Variants in NPEPPS observed in about 807,000 individuals in gnomAD.
NPEPPS encodes the protein aminopeptidase puromycin sensitive.
A neutral mutation model predicts 115.5 loss-of-function variants in NPEPPS; 14 were observed. The observed-to-expected ratio is 0.12, with a 90% confidence interval of 0.08 to 0.19. NPEPPS has a LOEUF of 0.19. Ranked by LOEUF, NPEPPS falls within the 10% of genes least tolerant of loss-of-function variation. NPEPPS has a pLI of 1.00. For synonymous variants in NPEPPS, 285 were observed against 390.6 expected, an observed-to-expected ratio of 0.73 and a Z score of 3.19; for missense variants, 523 against 1,110.8, an observed-to-expected ratio of 0.47 and a Z score of 7.52.
intron 1 of NPEPPS, among the ~76,000 whole-genome samples, chr17:47,540,345 C>T (rs1908658670): frequency 6.6e-6 from 1 of 152,010 alleles, no homozygotes; most frequent in Admixed American, 6.6e-5. Flanking sequence ...GTGTTTTAAA[C>T]TGGGAAACTG....
intron 10 of NPEPPS, 51 bp from the exon 11 acceptor site, chr17:47,591,905 A>G: frequency 1.5e-6 from 1 of 670,792 alleles, no homozygotes; most frequent in South Asian, 1.8e-5. Context: ...GTAATTCAGT[A>G]TTACAGGCTA....
chr17:47,572,193 T>C (rs1015350734), intron 3 of NPEPPS, among the ~76,000 whole-genome samples: 13 of 152,066 alleles, frequency 8.5e-5, no homozygotes, highest in Non-Finnish European at 1.8e-4. Flanking sequence ...GGCAGGAGGA[T>C]TGCTTGAGCC....
At chr17:47,530,021 C>T (rs1188622896), upstream of NPEPPS, among the ~76,000 whole-genome samples, 1 of 147,316 alleles carries the variant, frequency 6.8e-6, no homozygotes. Context: ...ACTGCAACCT[C>T]CACCTCCAGG....
intron 22 of NPEPPS, among the ~76,000 whole-genome samples, chr17:47,620,816 C>T (rs144191305): frequency 6.6e-6 from 1 of 152,156 alleles, no homozygotes; most frequent in African/African-American, 2.4e-5. Flanking sequence ...TCTGTGAAAC[C>T]AGGTGTACTG....
At chr17:47,619,560 A>G (rs1914414621) in intron 21 of NPEPPS, 177 bp from the exon 22 acceptor site, 1 of 616,006 alleles carries the variant, frequency 1.6e-6, no homozygotes. Context: ...GTCTCAAAAA[A>G]AAAAAAGTTT....
chr17:47,605,056 G>A (rs902375683), intron 16 of NPEPPS, among the ~76,000 whole-genome samples: 7 of 152,166 alleles, frequency 4.6e-5, no homozygotes, highest in African/African-American at 1.7e-4. Context: ...TTCTCAAATT[G>A]TTGGGACTCT....
chr17:47,549,519 C>G (rs570158598), intron 2 of NPEPPS, among the ~76,000 whole-genome samples: 1 of 152,136 alleles, frequency 6.6e-6, no homozygotes, highest in Non-Finnish European at 1.5e-5. Flanking sequence ...GTGGCTCACA[C>G]CTGTAATCCC....
chr17:47,601,273 G>A (rs948122517), intron 14 of NPEPPS, among the ~76,000 whole-genome samples: 1 of 151,712 alleles, frequency 6.6e-6, no homozygotes, highest in East Asian at 1.9e-4. Context: ...TATATTTTTT[G>A]TTGTTGTTGT....
At chr17:47,601,089 T>G (rs895231735) in intron 14 of NPEPPS, among the ~76,000 whole-genome samples, 35 of 151,746 alleles carry the variant, frequency 2.3e-4, no homozygotes, top group Admixed American at 5.3e-4. Flanking sequence ...ATTGTATATT[T>G]TTGGGCATGG....
At chr17:47,600,701 G>A (rs1913141455) in intron 14 of NPEPPS, among the ~76,000 whole-genome samples, 1 of 152,134 alleles carries the variant, frequency 6.6e-6, no homozygotes, top group Admixed American at 6.6e-5. Context: ...TACTGGGCAA[G>A]GACTCTTTTT....
chr17:47,538,569 G>A (rs1167731505), intron 1 of NPEPPS, among the ~76,000 whole-genome samples: 9 of 129,448 alleles, frequency 7.0e-5, no homozygotes, highest in East Asian at 2.2e-4. Flanking sequence ...TTGCTCTGTC[G>A]CCAAGGCCGG....
At chr17:47,611,837 G>T (rs1355718000) in intron 17 of NPEPPS, among the ~76,000 whole-genome samples, 2 of 152,112 alleles carry the variant, frequency 1.3e-5, no homozygotes, top group Non-Finnish European at 2.9e-5. Context: ...TCACCATATT[G>T]TGTTCCCACC....
At chr17:47,554,770 A>T (rs1413660734) in intron 2 of NPEPPS, among the ~76,000 whole-genome samples, 1 of 152,212 alleles carries the variant, frequency 6.6e-6, no homozygotes, top group African/African-American at 2.4e-5. Context: ...AATAAAGGTT[A>T]CTTAAACACA....
chr17:47,558,540 CT>C (rs1334268425), intron 2 of NPEPPS, among the ~76,000 whole-genome samples: 1 of 152,130 alleles, frequency 6.6e-6, no homozygotes, highest in East Asian at 1.9e-4. Context: ...AGCGATTCTC[CT>C]GTTTCAGCCT....
chr17:47,532,075 G>C (rs1304335821), intron 1 of NPEPPS, among the ~76,000 whole-genome samples: 1 of 152,078 alleles, frequency 6.6e-6, no homozygotes, highest in Non-Finnish European at 1.5e-5. Context: ...GCGACGAGGG[G>C]AGCTTCTAGA....
chr17:47,562,853 A>G (rs1480110400), intron 2 of NPEPPS, among the ~76,000 whole-genome samples: 1 of 151,300 alleles, frequency 6.6e-6, no homozygotes, highest in Admixed American at 6.6e-5. Flanking sequence ...TAATTTATTC[A>G]TATTTGTCCA....
rs141328830 is a variant in NPEPPS at position 47,571,110 on chromosome 17, A to G, written c.418+1616A>G. ...TCTATATAGTGAAATATACTTAGCAATTAAAAGTGAGGTTTGTGAATTCTT... is the reference window on the plus strand; with the variant it reads ...TCTATATAGTGAAATATACTTAGCAGTTAAAAGTGAGGTTTGTGAATTCTT... On this transcript the variant is annotated intron_variant, in intron 3 of 22. Transcript: ENST00000322157. Among the ~76,000 whole-genome samples the G allele has an allele frequency of 8.5e-3, 1,290 of 152,318 alleles. 20 individuals are homozygous for G. The highest frequency in any genetic ancestry group is 8.1e-3 in the Non-Finnish European group (548 of 68,028).
At chr17:47,611,911 T>G (rs1371865890) in intron 17 of NPEPPS, among the ~76,000 whole-genome samples, 1 of 152,246 alleles carries the variant, frequency 6.6e-6, no homozygotes, top group Non-Finnish European at 1.5e-5. Flanking sequence ...TCTTTTTTAT[T>G]ATAGCCATCA....
Position 47,563,039 on chromosome 17 carries a change from G to GT in NPEPPS, c.341-6368dup, listed in dbSNP as rs923491369. Among the ~76,000 whole-genome samples the GT allele has an allele frequency of 2.9e-4, 42 of 146,916 alleles. 1 individual carries two copies. The highest frequency in any genetic ancestry group is 4.3e-4 in the South Asian group (2 of 4,692). On this transcript the variant is annotated intron_variant, in intron 2 of 22. Transcript: ENST00000322157. ...GGTTTTTTTGTTGTTTGTTTGTTTT[G>GT]TTTTTTTTTTGAGATGGAGTCTCGC...
Sources: allele counts gnomAD v4.1 joint callset (sites outside exome capture counted in the v4.1 genomes callset), GRCh38; gene constraint gnomAD v4.1.1; transcripts MANE v1.5; gene names NCBI Gene and HGNC (gene_info 2026-07-23, HGNC 2026-07-21).